The following RELCH variants were observed in gnomAD, a reference collection of about 807,000 sequenced individuals.
The protein encoded by RELCH is RAB11-binding protein RELCH.
Under a neutral mutation model 150.3 loss-of-function variants are expected in RELCH, and 41 were observed. The ratio of observed to expected loss-of-function variants is 0.27; its 90% CI spans 0.21 to 0.35. RELCH has a LOEUF of 0.35. Ranked by LOEUF, RELCH falls within the 10% of genes least tolerant of loss-of-function variation. The pLI, the probability that RELCH is intolerant of heterozygous loss-of-function variation, is 1.00. For missense variants in RELCH, 1,092 were observed against 1,467.8 expected (o/e 0.74, Z 4.18); for synonymous variants, 478 against 531.8 (o/e 0.90, Z 1.39).
intron 12 of RELCH, among the ~76,000 whole-genome samples, chr18:62,253,896 A>C (rs2042859209): frequency 6.6e-6 from 1 of 152,106 alleles, no homozygotes; most frequent in Non-Finnish European, 1.5e-5. Flanking sequence ...AATTGTGCAC[A>C]TTTAATTTTT....
Position 62,228,399 on chromosome 18 carries a change from G to A in RELCH, c.1249G>A (p.Glu417Lys). 6.2e-7 allele frequency: 1 copy of A among 1,613,374 alleles called. No individual in the cohort carries two copies. Among genetic ancestry groups the A allele is most frequent in the Non-Finnish European group, 8.5e-7 (1 of 1,179,582 alleles). The change falls in exon 8 of 29, where the codon GAG becomes AAG. Residue 417 changes from glutamate (E) to lysine (K), a missense_variant. Physicochemically the swap from Glu to Lys is moderately conservative, Grantham distance 56 (BLOSUM62 1). Around this residue, in one of 4 missense-constraint regions of RELCH, gnomAD observed 707 missense variants for 1,025.4 expected, o/e 0.69. Coordinates refer to ENST00000644646, the MANE Select transcript of RELCH (RefSeq NM_001346231.2). ...PLDQLPHKDS[E>K]DSGQHPDVNS... ...GGATCAGTTGCCCCACAAAGACTCT[G>A]AGGACAGTGGACAGCATCCAGATGT...
chr18:62,267,491 T>A (rs1436560253), intron 19 of RELCH, among the ~76,000 whole-genome samples: 1 of 90,008 alleles, frequency 1.1e-5, no homozygotes, highest in Non-Finnish European at 2.2e-5. Flanking sequence ...TATATGTGTG[T>A]GTGTGTGTGT....
intron 24 of RELCH, among the ~76,000 whole-genome samples, chr18:62,281,784 T>C (rs1010448807): frequency 1.3e-5 from 2 of 152,230 alleles, no homozygotes; most frequent in Non-Finnish European, 2.9e-5. Context: ...TTTTCACTTA[T>C]ATATTTCACT....
At chr18:62,255,379 C>T (rs1383314728) in intron 12 of RELCH, 28 bp from the exon 13 acceptor site, 2 of 1,503,790 alleles carry the variant, frequency 1.3e-6, no homozygotes, top group Non-Finnish European at 1.8e-6. Context: ...GCTGTTTATG[C>T]TTGATTTATT....
intron 10 of RELCH, among the ~76,000 whole-genome samples, chr18:62,234,221 T>C (rs2041753104): frequency 6.6e-6 from 1 of 151,976 alleles, no homozygotes; most frequent in Admixed American, 6.6e-5. Flanking sequence ...AATTACTTTT[T>C]AATATTTCAC....
At position 62,306,312 on chromosome 18, in the gene RELCH, T is replaced by C. The variant is rs2045877625; in HGVS notation, c.*778T>C. The C allele has an allele frequency of 6.6e-6, 1 of 152,222 alleles. No individual in the cohort carries two copies. The highest frequency in any genetic ancestry group is 2.4e-5 in the African/African-American group (1 of 41,454). The allele number at this position is 152,222 out of a possible 1,614,324, so 9.4% of individuals were successfully genotyped here. ...ACTGGTGTATAGTAGATTTAAATGC[T>C]CAAAAATAAATGTAACTGAGAAGAG... is the stretch of plus-strand genomic sequence containing the variant. On this transcript the variant is annotated 3_prime_UTR_variant, in exon 29 of 29. Transcript: ENST00000644646.
At chr18:62,233,293 T>C (rs548834122) in intron 10 of RELCH, among the ~76,000 whole-genome samples, 1 of 151,968 alleles carries the variant, frequency 6.6e-6, no homozygotes, top group East Asian at 1.9e-4. Context: ...AAGACAATTT[T>C]AGAGTGTGTC....
At chr18:62,260,513 G>T (rs928922886) in intron 15 of RELCH, among the ~76,000 whole-genome samples, 2 of 151,780 alleles carry the variant, frequency 1.3e-5, no homozygotes, top group Non-Finnish European at 2.9e-5. Flanking sequence ...AGAAATACCT[G>T]TAATCCACCA....
intron 1 of RELCH, among the ~76,000 whole-genome samples, chr18:62,206,184 G>A (rs1023122342): frequency 6.6e-6 from 1 of 152,040 alleles, no homozygotes; most frequent in African/African-American, 2.4e-5. Context: ...AGAGTAACTG[G>A]GATTATAGGT....
At chr18:62,266,772 T>G in intron 19 of RELCH, 23 bp downstream of exon 19, 1 of 1,393,762 alleles carries the variant, frequency 7.2e-7, no homozygotes, top group South Asian at 1.2e-5. Flanking sequence ...ATTATTACTT[T>G]TAAAAACAAT....
chr18:62,240,543 C>T lies in RELCH; in HGVS notation c.1621-4221C>T, dbSNP rs139614122. 2.1e-3 allele frequency among the ~76,000 whole-genome samples: 313 copies of T among 151,430 alleles called. 2 individuals carry two copies. Among genetic ancestry groups the T allele is most frequent in the African/African-American group, 7.1e-3 (292 of 41,312 alleles). ...CCTACCTCAGCCTCCCAAGCAACTG[C>T]GACTACAGGTGCACACCACCACGCC... On this transcript the variant is annotated intron_variant, in intron 10 of 28. Coordinates refer to ENST00000644646, the MANE Select transcript of RELCH (RefSeq NM_001346231.2).
At chr18:62,246,314 A>G (rs2042411062) in intron 11 of RELCH, 1 of 152,134 alleles carries the variant, frequency 6.6e-6, no homozygotes, top group African/African-American at 2.4e-5. Flanking sequence ...ATGTGTATAT[A>G]TATTCTATTC....
intron 10 of RELCH, among the ~76,000 whole-genome samples, chr18:62,240,161 C>CA (rs2042073189): frequency 6.6e-6 from 1 of 151,744 alleles, no homozygotes; most frequent in African/African-American, 2.4e-5. Context: ...ATAATCTTGA[C>CA]AAGTAGAGTA....
chr18:62,280,171 A>G (rs976829304), intron 23 of RELCH, among the ~76,000 whole-genome samples: 1 of 152,160 alleles, frequency 6.6e-6, no homozygotes. Context: ...ATGCTCTCCT[A>G]ATCTCACTAA....
In RELCH at chr18:62,221,441, T is replaced by C. The variant is rs763399138; in HGVS notation, c.802T>C (p.Leu268=). The change falls in exon 5 of 29, where the codon TTG becomes CTG. Residue 268 remains leucine, a synonymous_variant. Coordinates refer to ENST00000644646, the MANE Select transcript of RELCH (RefSeq NM_001346231.2). ...ALNFLVNEFL[L]KNNYKLTSIT... ...AAACTTCTTAGTCAATGAATTTTTA[T>C]TGAAGAATAACTATAAGCTTACATC... The C allele has an allele frequency of 6.1e-5, 98 of 1,594,872 alleles. No homozygotes were observed. Among genetic ancestry groups the C allele is most frequent in the Non-Finnish European group, 8.0e-5 (93 of 1,168,358 alleles).
intron 10 of RELCH, among the ~76,000 whole-genome samples, chr18:62,239,772 A>G (rs1322033270): frequency 1.3e-5 from 2 of 151,786 alleles, no homozygotes; most frequent in Non-Finnish European, 2.9e-5. Flanking sequence ...GTTTATCATC[A>G]TGTTTGCATT....
intron 1 of RELCH, among the ~76,000 whole-genome samples, chr18:62,197,721 C>T (rs972679028): frequency 2.9e-4 from 44 of 152,204 alleles, no homozygotes; most frequent in Admixed American, 2.4e-3. Context: ...CAAAAGATAG[C>T]GGGATCAAGA....
chr18:62,261,463 A>G (rs925051293), intron 15 of RELCH, 48 bp from the exon 16 acceptor site: 1 of 1,553,502 alleles, frequency 6.4e-7, no homozygotes, highest in African/African-American at 1.4e-5. Context: ...CCAATTAGCA[A>G]TGTAACTTCA....
intron 26 of RELCH, among the ~76,000 whole-genome samples, chr18:62,289,137 T>G (rs756578887): frequency 1.1e-4 from 16 of 152,150 alleles, no homozygotes; most frequent in Non-Finnish European, 2.4e-4. Flanking sequence ...TTATTGTGTG[T>G]TTAGACATGC....
Sources: gnomAD v4.1 joint callset for allele counts (sites outside exome capture counted in the v4.1 genomes callset) on GRCh38, gnomAD v4.1.1 for gene constraint, gnomAD v4.1.1 regional missense constraint, MANE v1.5 for transcripts, NCBI Gene and HGNC (gene_info 2026-07-23, HGNC 2026-07-21) for gene names.